FKBP15: variants seen among roughly 807,000 people sequenced by gnomAD.
FKBP15 encodes FK506-binding protein 15.
Under a neutral mutation model 158.1 loss-of-function variants are expected in FKBP15, and 106 were observed. That is an observed-to-expected ratio of 0.67 (90% CI 0.57 to 0.79). FKBP15 has a LOEUF of 0.79. FKBP15 is among the 30% of genes least tolerant of loss of function. The probability of loss-of-function intolerance (pLI) is 0.00; values close to 1 mark genes in which losing one functional copy is unlikely to be tolerated. For missense variants in FKBP15, 1,287 were observed against 1,479.1 expected (o/e 0.87, Z 2.13); for synonymous variants, 547 against 548.6 (o/e 1.00, Z 0.04).
chr9:113,200,097 G>A (rs55660432), intron 6 of FKBP15, 134 bp from the exon 7 acceptor site: 189,715 of 1,010,140 alleles, frequency 0.19, 20,627 homozygotes, highest in African/African-American at 0.41. Context: ...TAAACCAAAC[G>A]GAAGCCAGTT....
chr9:113,189,599 T>C (rs1028860359), intron 12 of FKBP15, among the ~76,000 whole-genome samples: 3 of 152,114 alleles, frequency 2.0e-5, no homozygotes, highest in African/African-American at 7.2e-5. Flanking sequence ...TCCTTTAAGA[T>C]GTTAAATCTA....
Position 113,171,446 on chromosome 9 carries a change from G to A in FKBP15, c.2658+135C>T. ...TCTCAAACAAACAAACACCAAATCT[G>A]GTTCATTTTAAAGTCATCAGACAAG... On this transcript the variant is annotated intron_variant, in intron 24 of 27. Transcript: ENST00000238256. 6.9e-6 allele frequency: 8 copies of A among 1,151,092 alleles called. No homozygotes were observed. The South Asian group carries it at 1.3e-4, about 19-fold the overall frequency. 71.3% of individuals were successfully genotyped at this position (1,151,092 alleles called of 1,614,324 possible).
chr9:113,196,015 CACAG>C (rs1286273901), intron 9 of FKBP15, among the ~76,000 whole-genome samples: 1 of 142,562 alleles, frequency 7.0e-6, no homozygotes, highest in Non-Finnish European at 1.6e-5. Flanking sequence ...TACGTATACA[CACAG>C]ACACACACAC....
Position 113,178,782 on chromosome 9 carries a change from A to G in FKBP15, c.1934T>C (p.Leu645Ser). The change falls in exon 20 of 28, where the codon TTA becomes TCA. Residue 645 changes from leucine to serine, a missense_variant. Leu to Ser is a moderately radical substitution (Grantham distance 145). Transcript: ENST00000238256. ...EQEKAKVTEE[L>S]AAATAQVSHL... ...AGAGACCTGTGCAGTGGCCGCTGCT[A>G]ACTCCTCTGTCACCTTGGCCTGAAT... The G allele has an allele frequency of 6.2e-7, 1 of 1,608,096 alleles. No homozygotes were observed. The highest frequency in any genetic ancestry group is 8.5e-7 in the Non-Finnish European group (1 of 1,177,164).
intron 7 of FKBP15, 85 bp downstream of exon 7, chr9:113,199,729 C>T: frequency 7.5e-7 from 1 of 1,338,888 alleles, no homozygotes; most frequent in East Asian, 2.6e-5. Context: ...ACAACAGCAG[C>T]CGTTCACAGT....
chr9:113,170,758 A>C, intron 24 of FKBP15, 129 bp from the exon 25 acceptor site: 1 of 714,040 alleles, frequency 1.4e-6, no homozygotes, highest in Non-Finnish European at 2.5e-6. Flanking sequence ...GCTGGTCATA[A>C]GCAGAGACAC....
At position 113,184,415 on chromosome 9, in the gene FKBP15, C is replaced by A; in HGVS notation, c.1609-16G>T. ...ACTCTTCAACCTACAAAAGGGATAC[C>A]AGAAAGACCTTGTGAGAAATTATAA... is the stretch of plus-strand genomic sequence containing the variant. On this transcript the variant is annotated splice_polypyrimidine_tract_variant and intron_variant, in intron 16 of 27. Coordinates refer to ENST00000238256, the MANE Select transcript of FKBP15 (RefSeq NM_015258.2). The surrounding 1 kb of genome is among the most constrained non-coding windows in gnomAD (Gnocchi z 4.5). 3 of 1,538,192 alleles carry A rather than the reference C, an allele frequency of 2.0e-6. No homozygotes were observed. Among genetic ancestry groups the A allele is most frequent in the Non-Finnish European group, 2.7e-6 (3 of 1,120,608 alleles).
rs764571286 is a variant in FKBP15 at position 113,184,469 on chromosome 9, T to G, written c.1609-70A>C. On this transcript the variant is annotated intron_variant, in intron 16 of 27. Transcript: ENST00000238256. The surrounding 1 kb of genome is among the most constrained non-coding windows in gnomAD (Gnocchi z 4.5). ...GAAGAAATACAATTTACCCAAGATT[T>G]GACCCTGTTGTTAAGGGGGTTAATG... is the stretch of plus-strand genomic sequence containing the variant. 146 of 1,292,048 alleles carry G rather than the reference T, an allele frequency of 1.1e-4. No individual in the cohort carries two copies. The highest frequency in any genetic ancestry group is 1.5e-4 in the Non-Finnish European group (140 of 913,032). 80.0% of individuals were successfully genotyped at this position (1,292,048 alleles called of 1,614,324 possible).
chr9:113,183,893 G>T, intron 17 of FKBP15, 48 bp from the exon 18 acceptor site: 2 of 1,403,096 alleles, frequency 1.4e-6, no homozygotes, highest in Non-Finnish European at 2.0e-6. Context: ...TGGGAGAAAA[G>T]TGCCAGATAG....
In FKBP15 at chr9:113,164,021, AAG is replaced by A. The variant is rs1362833387; in HGVS notation, c.*2055_*2056del. ...AACCTCTTCACTTTATAAAAAAGGA[AAG>A]AGAGAAAATCACTGCTGTATACTAA... On this transcript the variant is annotated 3_prime_UTR_variant, in exon 28 of 28. Transcript: ENST00000238256. 2 of 152,778 alleles carry A rather than the reference AAG, an allele frequency of 1.3e-5. No individual in the cohort carries two copies. The highest frequency in any genetic ancestry group is 2.4e-5 in the African/African-American group (1 of 41,574). The allele number at this position is 152,778 out of a possible 1,614,324, so 9.5% of individuals were successfully genotyped here.
In FKBP15 at chr9:113,165,843, T is replaced by C. The variant is rs1830089655; in HGVS notation, c.*235A>G. 2.2e-6 allele frequency: 1 copy of C among 455,800 alleles called. No individual in the cohort carries two copies. The highest frequency in any genetic ancestry group is 2.6e-5 in the South Asian group (1 of 38,788). 28.2% of individuals were successfully genotyped at this position (455,800 alleles called of 1,614,324 possible). Reference sequence around the variant, plus strand: ...TTGGAGGGGAACCTACCAGTCCTTCTTCCAACTTGCTGCTGAAATCCCAGT... The same window carrying C: ...TTGGAGGGGAACCTACCAGTCCTTCCTCCAACTTGCTGCTGAAATCCCAGT... On this transcript the variant is annotated 3_prime_UTR_variant, in exon 28 of 28. Coordinates refer to ENST00000238256, the MANE Select transcript of FKBP15 (RefSeq NM_015258.2).
Position 113,162,801 on chromosome 9 carries a change from A to T in FKBP15, c.*3277T>A, listed in dbSNP as rs773064007. Reference sequence around the variant, plus strand: ...TCTAATCCATGTCATCCAGGTGGTCATCGGCTACTTCATCATGCTGGCCGT... The same window carrying T: ...TCTAATCCATGTCATCCAGGTGGTCTTCGGCTACTTCATCATGCTGGCCGT... On this transcript the variant is annotated 3_prime_UTR_variant, in exon 28 of 28. Coordinates refer to ENST00000238256, the MANE Select transcript of FKBP15 (RefSeq NM_015258.2). 2 of 1,613,872 alleles carry T rather than the reference A, an allele frequency of 1.2e-6. No homozygotes were observed. Among genetic ancestry groups the T allele is most frequent in the South Asian group, 1.1e-5 (1 of 91,070 alleles).
rs1830092830 is a variant in FKBP15, at chr9:113,166,015, G to A, written c.*63C>T. 6.7e-7 allele frequency: 1 copy of A among 1,500,988 alleles called. No individual in the cohort carries two copies. Among genetic ancestry groups the A allele is most frequent in the South Asian group, 1.2e-5 (1 of 84,088 alleles). 93.0% of individuals were successfully genotyped at this position (1,500,988 alleles called of 1,614,324 possible). A position where few individuals can be genotyped will look rare whatever the true frequency, so the allele number is the denominator to read the frequency against. ...TGTGGTTCGCCTAGACCCAGGGTTG[G>A]CTGTGCAAAATCATGCTTAGGGAAG... On this transcript the variant is annotated 3_prime_UTR_variant, in exon 28 of 28. Coordinates refer to ENST00000238256, the MANE Select transcript of FKBP15 (RefSeq NM_015258.2).
chr9:113,204,890 A>G (rs116390069), intron 4 of FKBP15, among the ~76,000 whole-genome samples: 1,597 of 152,246 alleles, frequency 0.01, 32 homozygotes, highest in African/African-American at 0.037. Context: ...TTTCTTTAAG[A>G]TATTATTCCT....
At chr9:113,190,812 C>T (rs776147483) in intron 11 of FKBP15, among the ~76,000 whole-genome samples, 1 of 152,140 alleles carries the variant, frequency 6.6e-6, no homozygotes, top group Non-Finnish European at 1.5e-5. Context: ...AGTGGTTTCA[C>T]ATACATTGCC....
intron 6 of FKBP15, 42 bp downstream of exon 6, chr9:113,202,489 C>T: frequency 7.2e-7 from 1 of 1,382,860 alleles, no homozygotes; most frequent in Non-Finnish European, 1.0e-6. Context: ...GAAATCCAAA[C>T]AAGTATTTTG....
rs1587973445 is a variant in FKBP15 at position 113,206,827 on chromosome 9, C to T, written c.255-249G>A. 3 of 469,268 alleles carry T rather than the reference C, an allele frequency of 6.4e-6. No individual in the cohort carries two copies. In the East Asian group the frequency reaches 1.1e-4, roughly 18 times the overall value. 29.1% of individuals were successfully genotyped at this position (469,268 alleles called of 1,614,324 possible). ...TGCCTCCCAGGTTCAAGCAATTCTTCTGCCTCGGCCTCCCAAAGTGCTGGG... is the reference window on the plus strand; with the variant it reads ...TGCCTCCCAGGTTCAAGCAATTCTTTTGCCTCGGCCTCCCAAAGTGCTGGG... On this transcript the variant is annotated intron_variant, in intron 3 of 27. Coordinates refer to ENST00000238256, the MANE Select transcript of FKBP15 (RefSeq NM_015258.2).
intron 19 of FKBP15, among the ~76,000 whole-genome samples, chr9:113,180,545 A>G (rs1830378425): frequency 1.3e-5 from 2 of 151,668 alleles, no homozygotes; most frequent in Non-Finnish European, 2.9e-5. Context: ...TACTGCTGAC[A>G]TGGAGAGTGA....
At chr9:113,180,522 C>T (rs1830378275) in intron 19 of FKBP15, among the ~76,000 whole-genome samples, 1 of 85,586 alleles carries the variant, frequency 1.2e-5, no homozygotes, top group Admixed American at 1.2e-4. Context: ...GGTTCCTACC[C>T]TGGATCAAAT....
Sources: allele counts gnomAD v4.1 joint callset (sites outside exome capture counted in the v4.1 genomes callset), GRCh38; gene constraint gnomAD v4.1.1; non-coding constraint Gnocchi (gnomAD v3.1); transcripts MANE v1.5; gene names NCBI Gene and HGNC (gene_info 2026-07-23, HGNC 2026-07-21).